The following GTF2H1 variants were observed in gnomAD, a reference collection of about 807,000 sequenced individuals.
GTF2H1 encodes the protein general transcription factor IIH subunit 1, also known as BTF2 p62.
GTF2H1 carries 16 observed loss-of-function variants against 71.2 expected under a neutral mutation model. The ratio of observed to expected loss-of-function variants is 0.22; its 90% confidence interval spans 0.15 to 0.34. GTF2H1 has a LOEUF of 0.34. Among genes scored for constraint, GTF2H1 ranks in the 10% least tolerant of loss-of-function variants. The probability of loss-of-function intolerance (pLI) is 1.00; values close to 1 mark genes in which losing one functional copy is unlikely to be tolerated. For synonymous variants in GTF2H1, 215 were observed against 219.0 expected (o/e 0.98, Z 0.16); for missense variants, 498 against 648.2 (o/e 0.77, Z 2.52).
chr11:18,365,735 C>T (rs1450624867), intron 14 of GTF2H1, 48 bp from the exon 15 acceptor site: 1 of 1,311,620 alleles, frequency 7.6e-7, no homozygotes. Context: ...GAAGGATTAA[C>T]TTCCCCTGCT....
chr11:18,337,286 G>A (rs1490308416), intron 3 of GTF2H1, among the ~76,000 whole-genome samples: 2 of 151,960 alleles, frequency 1.3e-5, no homozygotes, highest in Non-Finnish European at 2.9e-5. Flanking sequence ...ACATATCTAT[G>A]TATACAAAAA....
At chr11:18,346,571 C>T (rs1865297997) in intron 7 of GTF2H1, among the ~76,000 whole-genome samples, 7 of 152,054 alleles carry the variant, frequency 4.6e-5, no homozygotes, top group Admixed American at 2.6e-4. Flanking sequence ...GCACTCAATA[C>T]ATGTTTTAAA....
chr11:18,359,097 A>G (rs1271552035), intron 13 of GTF2H1, among the ~76,000 whole-genome samples: 1 of 152,242 alleles, frequency 6.6e-6, no homozygotes, highest in African/African-American at 2.4e-5. Flanking sequence ...AATTGCTTTC[A>G]TAAACTATGA....
rs1394514120 is a variant in GTF2H1, at chr11:18,333,170, T to A, written c.96T>A (p.Ala32=). The change falls in exon 2 of 15, where the codon GCT becomes GCA. Residue 32 remains alanine, a synonymous_variant. Transcript: ENST00000265963. ...GALYLMAERI[A]WAPEGKDRFT... The stretch of plus-strand genomic sequence containing the variant: ...TGTACCTCATGGCAGAAAGAATTGC[T>A]TGGGCACCTGAAGGCAAAGATAGAT... 6.2e-7 allele frequency: 1 copy of A among 1,613,628 alleles called. No individual in the cohort carries two copies. Among genetic ancestry groups the A allele is most frequent in the Non-Finnish European group, 8.5e-7 (1 of 1,179,824 alleles).
At chr11:18,345,414 C>CT (rs941602556) in intron 7 of GTF2H1, among the ~76,000 whole-genome samples, 4 of 151,228 alleles carry the variant, frequency 2.6e-5, no homozygotes, top group Non-Finnish European at 5.9e-5. Context: ...TGACTTTGTT[C>CT]TGTTTATTGG....
chr11:18,342,812 C>A (rs919693847), intron 7 of GTF2H1, among the ~76,000 whole-genome samples: 2 of 152,126 alleles, frequency 1.3e-5, no homozygotes, highest in Non-Finnish European at 1.5e-5. Context: ...GTATCAATAG[C>A]TGTATAAACC....
At chr11:18,338,326 T>C (rs765161671) in intron 4 of GTF2H1, 52 bp downstream of exon 4, 7 of 1,191,340 alleles carry the variant, frequency 5.9e-6, no homozygotes, top group Non-Finnish European at 7.5e-6. Context: ...AACCCCAATA[T>C]GTGTCTTAAG....
intron 2 of GTF2H1, among the ~76,000 whole-genome samples, chr11:18,334,012 C>T (rs1182459044): frequency 6.6e-6 from 1 of 152,096 alleles, no homozygotes. Flanking sequence ...GAGGCCAAGG[C>T]GAGTGGATCA....
At chr11:18,335,422 T>G (rs1001692289) in intron 2 of GTF2H1, among the ~76,000 whole-genome samples, 4 of 152,196 alleles carry the variant, frequency 2.6e-5, no homozygotes, top group Non-Finnish European at 4.4e-5. Flanking sequence ...GGCAGTTTGT[T>G]TAAAATACAT....
chr11:18,325,015 C>T (rs756142403), intron 1 of GTF2H1, among the ~76,000 whole-genome samples: 1 of 152,144 alleles, frequency 6.6e-6, no homozygotes, highest in Non-Finnish European at 1.5e-5. Flanking sequence ...AAAGTTATTC[C>T]CTTTAATGCT....
chr11:18,354,940 C>A (rs1865507986), intron 11 of GTF2H1, among the ~76,000 whole-genome samples: 1 of 151,870 alleles, frequency 6.6e-6, no homozygotes, highest in Non-Finnish European at 1.5e-5. Context: ...CCCCAAGTAG[C>A]TGAAACCACA....
At chr11:18,349,638 G>A (rs915827936) in intron 9 of GTF2H1, among the ~76,000 whole-genome samples, 3 of 152,162 alleles carry the variant, frequency 2.0e-5, no homozygotes, top group South Asian at 2.1e-4. Flanking sequence ...AGCTGGGATC[G>A]CGTCGCTGCA....
chr11:18,354,566 G>T (rs1398005169), intron 11 of GTF2H1, among the ~76,000 whole-genome samples: 1 of 151,664 alleles, frequency 6.6e-6, no homozygotes, highest in East Asian at 2.0e-4. Flanking sequence ...TGAGTAGCTG[G>T]GATTATAGGC....
At chr11:18,358,214 G>A (rs1865607856) in intron 12 of GTF2H1, 172 bp downstream of exon 12, 1 of 615,504 alleles carries the variant, frequency 1.6e-6, no homozygotes, top group Non-Finnish European at 2.9e-6. Flanking sequence ...AAGATCTTAG[G>A]TTTCAGAACC....
intron 11 of GTF2H1, among the ~76,000 whole-genome samples, chr11:18,357,271 G>A (rs1050981929): frequency 9.9e-5 from 15 of 152,148 alleles, no homozygotes; most frequent in African/African-American, 3.6e-4. Flanking sequence ...GAATAGATAG[G>A]TCAATTTTTT....
At position 18,344,863 on chromosome 11, in the gene GTF2H1, A is replaced by G. The variant is rs565442309; in HGVS notation, c.838-2725A>G. 2.6e-5 allele frequency among the ~76,000 whole-genome samples: 4 copies of G among 152,038 alleles called. No homozygotes were observed. In the East Asian group the frequency reaches 7.8e-4, roughly 29 times the overall value. On this transcript the variant is annotated intron_variant, in intron 7 of 14. Coordinates refer to ENST00000265963, the MANE Select transcript of GTF2H1 (RefSeq NM_005316.4). ...GGCCTATGCACTTAACTGATCTTCTACCTGCTTGTTCCCTAACCAGCTTCT... is the reference window on the plus strand; with the variant it reads ...GGCCTATGCACTTAACTGATCTTCTGCCTGCTTGTTCCCTAACCAGCTTCT...
chr11:18,333,294 A>T, intron 2 of GTF2H1, 66 bp downstream of exon 2: 2 of 1,162,616 alleles, frequency 1.7e-6, no homozygotes, highest in East Asian at 4.9e-5. Context: ...TTGTAAAGAG[A>T]TTATATAAAT....
intron 13 of GTF2H1, 37 bp from the exon 14 acceptor site, chr11:18,360,578 G>A (rs755041120): frequency 1.0e-6 from 1 of 1,003,388 alleles, no homozygotes; most frequent in Non-Finnish European, 1.5e-6. Context: ...TACAGCTTGA[G>A]ATTTCTCTGT....
chr11:18,352,585 A>G (rs886687039), intron 11 of GTF2H1, 139 bp downstream of exon 11: 2 of 489,190 alleles, frequency 4.1e-6, no homozygotes, highest in Non-Finnish European at 7.4e-6. Context: ...TGAAAAAATC[A>G]AGAGGTAGCA....
Sources: gnomAD v4.1 joint callset for allele counts (sites outside exome capture counted in the v4.1 genomes callset) on GRCh38, gnomAD v4.1.1 for gene constraint, MANE v1.5 for transcripts, NCBI Gene and HGNC (gene_info 2026-07-23, HGNC 2026-07-21) for gene names.